The following APBB1IP variants were observed in gnomAD, a reference collection of about 807,000 sequenced individuals.
The protein encoded by APBB1IP is amyloid beta precursor protein binding family B member 1 interacting protein.
In APBB1IP, 27 loss-of-function variants were observed where a neutral mutation model predicts 64.9. That is an observed-to-expected ratio of 0.42 (90% CI 0.31 to 0.57). The LOEUF (loss-of-function observed/expected upper bound fraction) is 0.57. Ranked by LOEUF, APBB1IP falls within the 20% of genes least tolerant of loss-of-function variation. The pLI, the probability that APBB1IP is intolerant of heterozygous loss-of-function variation, is 0.20. For missense variants in APBB1IP, 812 were observed against 845.5 expected, an observed-to-expected ratio of 0.96 and a Z score of 0.49; for synonymous variants, 392 against 331.0, an observed-to-expected ratio of 1.18 and a Z score of -2.00.
intron 2 of APBB1IP, among the ~76,000 whole-genome samples, chr10:26,440,546 A>T (rs1835328437): frequency 6.6e-6 from 1 of 152,232 alleles, no homozygotes; most frequent in African/African-American, 2.4e-5. Flanking sequence ...GAAAACTGAG[A>T]TAAGAAACAG....
chr10:26,541,848 A>G (rs1309083875), intron 11 of APBB1IP, 156 bp downstream of exon 11: 2 of 541,290 alleles, frequency 3.7e-6, no homozygotes, highest in African/African-American at 2.0e-5. Context: ...TCAATTTGGG[A>G]CATTTTCCCC....
At chr10:26,533,415 C>A in intron 8 of APBB1IP, 24 bp from the exon 9 acceptor site, 1 of 1,464,692 alleles carries the variant, frequency 6.8e-7, no homozygotes, top group Non-Finnish European at 9.5e-7. Flanking sequence ...ACTTACTGAT[C>A]TGATCTTTTA....
At chr10:26,522,562 C>G (rs1836416299) in intron 8 of APBB1IP, among the ~76,000 whole-genome samples, 1 of 152,092 alleles carries the variant, frequency 6.6e-6, no homozygotes, top group Non-Finnish European at 1.5e-5. Context: ...TTATTATTCT[C>G]TGTCCCATAC....
intron 14 of APBB1IP, among the ~76,000 whole-genome samples, chr10:26,566,285 C>T (rs567254483): frequency 3.9e-5 from 6 of 152,272 alleles, no homozygotes; most frequent in Admixed American, 2.6e-4. Flanking sequence ...GACATAGTCT[C>T]GTTGTGTTGC....
chr10:26,445,144 GA>G (rs71521680), intron 2 of APBB1IP, among the ~76,000 whole-genome samples: 1 of 79,334 alleles, frequency 1.3e-5, no homozygotes, highest in Non-Finnish European at 3.1e-5. Flanking sequence ...AAGAAAGAAA[GA>G]AAGAAAGAAA....
intron 2 of APBB1IP, among the ~76,000 whole-genome samples, chr10:26,482,567 G>T (rs1341367410): frequency 6.6e-6 from 1 of 152,076 alleles, no homozygotes; most frequent in East Asian, 1.9e-4. Flanking sequence ...TCATCCTAAG[G>T]GCAATCCCAT....
intron 14 of APBB1IP, 21 bp downstream of exon 14, chr10:26,562,450 A>T (rs1273654514): frequency 6.3e-7 from 1 of 1,594,142 alleles, no homozygotes. Context: ...CAAGCAGCTG[A>T]CCCCTATAAG....
intron 2 of APBB1IP, among the ~76,000 whole-genome samples, chr10:26,467,951 C>T (rs575193673): frequency 3.3e-4 from 51 of 152,280 alleles, no homozygotes; most frequent in African/African-American, 1.1e-3. Flanking sequence ...AAACTACAAC[C>T]GCTATCACCA....
rs1835450165 is a variant in APBB1IP, at chr10:26,450,242, T to G, written c.-1+11389T>G. 2.0e-5 allele frequency among the ~76,000 whole-genome samples: 3 copies of G among 152,352 alleles called. No homozygotes were observed. In the South Asian group the frequency reaches 6.2e-4, roughly 32 times the overall value. ...AATGCGTCTGTACATGCAAAGCACT[T>G]AGAATAATGCCTGGCATGTAGCATG... On this transcript the variant is annotated intron_variant, in intron 2 of 14. Coordinates refer to ENST00000376236, the MANE Select transcript of APBB1IP (RefSeq NM_019043.4).
At chr10:26,540,742 A>G (rs1230644604) in intron 10 of APBB1IP, among the ~76,000 whole-genome samples, 1 of 152,200 alleles carries the variant, frequency 6.6e-6, no homozygotes, top group Non-Finnish European at 1.5e-5. Flanking sequence ...AGTGTAACCA[A>G]ATATGTAGAT....
In APBB1IP at chr10:26,524,411, AAAC is replaced by A. The variant is rs200497771; in HGVS notation, c.814-9019_814-9017del. On this transcript the variant is annotated intron_variant, in intron 8 of 14. Coordinates refer to ENST00000376236, the MANE Select transcript of APBB1IP (RefSeq NM_019043.4). ...TTTCATCAGATTGATGATGAAAAAA[AAAC>A]AACAACAAATTATGACAAAATATTT... 6.0e-3 allele frequency among the ~76,000 whole-genome samples: 918 copies of A among 152,302 alleles called. 7 individuals are homozygous for A. The highest frequency in any genetic ancestry group is 0.021 in the African/African-American group (872 of 41,564).
intron 8 of APBB1IP, among the ~76,000 whole-genome samples, chr10:26,523,063 T>C (rs568577952): frequency 8.0e-5 from 12 of 149,516 alleles, no homozygotes; most frequent in Admixed American, 2.7e-4. Flanking sequence ...AGGGGACATC[T>C]CTTAATGTTA....
chr10:26,450,234 A>T (rs1835450097), intron 2 of APBB1IP, among the ~76,000 whole-genome samples: 1 of 152,254 alleles, frequency 6.6e-6, no homozygotes, highest in Non-Finnish European at 1.5e-5. Context: ...CTGTACATGC[A>T]AAGCACTTAG....
intron 2 of APBB1IP, among the ~76,000 whole-genome samples, chr10:26,457,988 C>T (rs1480035877): frequency 2.6e-5 from 4 of 152,190 alleles, no homozygotes; most frequent in Non-Finnish European, 5.9e-5. Flanking sequence ...TTTATGAAAT[C>T]TGGATATTTT....
intron 2 of APBB1IP, among the ~76,000 whole-genome samples, chr10:26,483,675 G>A (rs886323179): frequency 6.6e-6 from 1 of 152,078 alleles, no homozygotes; most frequent in African/African-American, 2.4e-5. Context: ...TTTAATAATT[G>A]CAAAGTCATT....
chr10:26,515,761 T>TA (rs151046436), intron 8 of APBB1IP, among the ~76,000 whole-genome samples: 2,688 of 152,240 alleles, frequency 0.018, 63 homozygotes, highest in African/African-American at 0.06. Context: ...GATCAGATAT[T>TA]ACCTCCATAC....
chr10:26,565,545 C>T (rs778362202), intron 14 of APBB1IP, among the ~76,000 whole-genome samples: 20 of 152,166 alleles, frequency 1.3e-4, no homozygotes, highest in Non-Finnish European at 2.2e-4. Flanking sequence ...GATCTAAATA[C>T]GATCTAAACA....
At chr10:26,561,634 C>A (rs787017) in intron 13 of APBB1IP, among the ~76,000 whole-genome samples, 2 of 152,012 alleles carry the variant, frequency 1.3e-5, no homozygotes, top group African/African-American at 2.4e-5. Flanking sequence ...AGATTATGCC[C>A]TGGTGTTTTG....
In APBB1IP at chr10:26,536,110, C is replaced by G. The variant is rs570634404; in HGVS notation, c.937C>G (p.Leu313Val). Residue 313 changes from leucine (L) to valine (V), a missense_variant, in exon 10 of 15, where the codon CTG becomes GTG. By Grantham distance (32) the Leu-to-Val change is conservative. This residue lies in a region of APBB1IP where 394 missense variants were observed against 413.1 expected (regional missense o/e 0.95). Coordinates refer to ENST00000376236, the MANE Select transcript of APBB1IP (RefSeq NM_019043.4). ...FCGTSIIVPE[L>V]EGALYLKEDG... ...TGGAACATCTATCATTGTACCAGAA[C>G]TGGAAGGAGCTCTTTATTTGAAAGA... 2 of 1,602,234 alleles carry G rather than the reference C, an allele frequency of 1.2e-6. No individual in the cohort carries two copies. Among genetic ancestry groups the G allele is most frequent in the Admixed American group, 1.7e-5 (1 of 57,808 alleles).
Sources: allele counts gnomAD v4.1 joint callset (sites outside exome capture counted in the v4.1 genomes callset), GRCh38; gene constraint gnomAD v4.1.1; regional missense constraint gnomAD v4.1.1; transcripts MANE v1.5; gene names NCBI Gene and HGNC (gene_info 2026-07-23, HGNC 2026-07-21).